MERTK: variants seen among roughly 807,000 people sequenced by gnomAD.
MERTK encodes tyrosine-protein kinase Mer.
MERTK carries 69 observed loss-of-function variants against 99.3 expected under a neutral mutation model. The observed-to-expected ratio is 0.70, with a 90% CI of 0.57 to 0.85. The LOEUF (loss-of-function observed/expected upper bound fraction) is 0.85. MERTK is among the 40% of genes least tolerant of loss of function. MERTK has a pLI of 0.00. For missense variants in MERTK, 1,125 were observed against 1,249.4 expected (o/e 0.90, Z 1.50); for synonymous variants, 426 against 467.6 (o/e 0.91, Z 1.15).
At chr2:111,912,446 A>G (rs1354943491) in intron 1 of MERTK, among the ~76,000 whole-genome samples, 1 of 152,136 alleles carries the variant, frequency 6.6e-6, no homozygotes, top group Non-Finnish European at 1.5e-5. Flanking sequence ...GAGTCTGATG[A>G]GTTTTAATAA....
intron 4 of MERTK, among the ~76,000 whole-genome samples, chr2:111,955,789 A>T (rs1464622394): frequency 6.6e-6 from 1 of 152,190 alleles, no homozygotes; most frequent in African/African-American, 2.4e-5. Flanking sequence ...GAATTTTATC[A>T]TGGGCAAAAC....
chr2:112,022,727 T>G (rs1677381279), intron 18 of MERTK, among the ~76,000 whole-genome samples: 1 of 152,240 alleles, frequency 6.6e-6, no homozygotes, highest in Admixed American at 6.5e-5. Flanking sequence ...AGCTTCGCCT[T>G]GTAGTGCATG....
At position 111,945,041 on chromosome 2, in the gene MERTK, C is replaced by T. The variant is rs771607715; in HGVS notation, c.564C>T (p.Pro188=). 3 of 1,613,278 alleles carry T rather than the reference C, an allele frequency of 1.9e-6. No homozygotes were observed. The highest frequency in any genetic ancestry group is 1.7e-6 in the Non-Finnish European group (2 of 1,179,436). The part of the protein sequence containing the change: ...KINNEEIVSD[P]IYIEVQGLPH... ...ACAATGAAGAGATCGTGTCTGATCC[C>T]ATCTACATCGAAGTACAAGGTAAGT... is the stretch of plus-strand genomic sequence containing the variant. Residue 188 remains proline, a synonymous_variant, in exon 3 of 19, where the codon CCC becomes CCT. Transcript: ENST00000295408.
intron 1 of MERTK, among the ~76,000 whole-genome samples, chr2:111,925,292 A>T (rs7577708): frequency 0.11 from 2,668 of 24,752 alleles, 402 homozygotes; most frequent in East Asian, 0.35. Flanking sequence ...ATATATATAT[A>T]TTTTTTTTTT....
chr2:111,936,412 T>A (rs1051610920), intron 2 of MERTK, among the ~76,000 whole-genome samples: 3 of 108,396 alleles, frequency 2.8e-5, no homozygotes, highest in African/African-American at 1.0e-4. Context: ...AAATTAAAAA[T>A]TTTTTAATTT....
chr2:111,902,105 G>A (rs1035993570), intron 1 of MERTK, among the ~76,000 whole-genome samples: 6 of 152,026 alleles, frequency 3.9e-5, no homozygotes, highest in African/African-American at 1.2e-4. Context: ...GGTTGGTCTC[G>A]AACTCCCAAC....
intron 1 of MERTK, among the ~76,000 whole-genome samples, chr2:111,909,564 C>T (rs1242516746): frequency 6.6e-6 from 1 of 152,174 alleles, no homozygotes; most frequent in Non-Finnish European, 1.5e-5. Flanking sequence ...AGATTAAGTA[C>T]ATTTACTGAG....
rs139488884 is a variant in MERTK, at chr2:112,017,793, G to A, written c.2080-1620G>A. 9.9e-5 allele frequency among the ~76,000 whole-genome samples: 15 copies of A among 152,254 alleles called. 1 individual carries two copies. The East Asian group carries it at 2.7e-3, about 27-fold the overall frequency. On this transcript the variant is annotated intron_variant, in intron 15 of 18. Coordinates refer to ENST00000295408, the MANE Select transcript of MERTK (RefSeq NM_006343.3). Reference sequence around the variant, plus strand: ...TAAGAAAAGCAGATTGTCTCACATGGCAACAGCAAAGCAATGGAAGGATAG... The same window carrying A: ...TAAGAAAAGCAGATTGTCTCACATGACAACAGCAAAGCAATGGAAGGATAG...
chr2:111,993,729 G>A lies in MERTK; in HGVS notation c.1297-522G>A, dbSNP rs562634664. Among the ~76,000 whole-genome samples the A allele has an allele frequency of 9.2e-5, 14 of 152,084 alleles. No individual in the cohort carries two copies. In the South Asian group the frequency reaches 1.5e-3, roughly 16 times the overall value. On this transcript the variant is annotated intron_variant, in intron 8 of 18. Coordinates refer to ENST00000295408, the MANE Select transcript of MERTK (RefSeq NM_006343.3). ...AAGTAAAACCAGAGTTTTGAAAATT[G>A]AGCAAGTTGTACATTTGTCACACTG...
At chr2:111,937,303 T>A (rs955715236) in intron 2 of MERTK, among the ~76,000 whole-genome samples, 2 of 142,946 alleles carry the variant, frequency 1.4e-5, no homozygotes, top group Non-Finnish European at 1.5e-5. Flanking sequence ...AAAAAAAAAA[T>A]TAGGCAGACA....
At chr2:111,988,470 T>C (rs1170044943) in intron 8 of MERTK, among the ~76,000 whole-genome samples, 1 of 152,186 alleles carries the variant, frequency 6.6e-6, no homozygotes, top group East Asian at 1.9e-4. Context: ...TCTAATGCAC[T>C]AAGACTTGAA....
intron 15 of MERTK, 51 bp from the exon 16 acceptor site, chr2:112,019,362 A>G (rs896941557): frequency 5.7e-6 from 8 of 1,411,684 alleles, no homozygotes; most frequent in African/African-American, 1.4e-5. Flanking sequence ...ACTGCTTGCA[A>G]GTTTTCCTTT....
intron 15 of MERTK, among the ~76,000 whole-genome samples, chr2:112,011,872 C>T (rs1052215891): frequency 4.6e-5 from 7 of 152,212 alleles, no homozygotes; most frequent in Admixed American, 3.3e-4. Flanking sequence ...GTGGTTCCTG[C>T]CCCATGGAGC....
chr2:111,941,951 G>A (rs1684873149), intron 2 of MERTK, among the ~76,000 whole-genome samples: 1 of 152,204 alleles, frequency 6.6e-6, no homozygotes, highest in Admixed American at 6.5e-5. Flanking sequence ...CTACAGTCCA[G>A]GGTGAGCTGC....
At chr2:111,989,387 C>T (rs1428737541) in intron 8 of MERTK, among the ~76,000 whole-genome samples, 2 of 147,086 alleles carry the variant, frequency 1.4e-5, no homozygotes, top group South Asian at 2.1e-4. Flanking sequence ...GACAGAGTCT[C>T]GCTCTGTCAC....
At chr2:111,942,334 C>T (rs1008902123) in intron 2 of MERTK, among the ~76,000 whole-genome samples, 2 of 147,520 alleles carry the variant, frequency 1.4e-5, no homozygotes, top group Non-Finnish European at 3.1e-5. Context: ...CTTTGAACTC[C>T]AAAGATTAGA....
At chr2:111,951,499 T>C (rs1455886229) in intron 4 of MERTK, among the ~76,000 whole-genome samples, 1 of 117,234 alleles carries the variant, frequency 8.5e-6, no homozygotes, top group African/African-American at 2.9e-5. Flanking sequence ...ATTTTCTTTT[T>C]TGTACACGCT....
intron 1 of MERTK, among the ~76,000 whole-genome samples, chr2:111,907,414 C>CA (rs869272299): frequency 4.6e-5 from 7 of 151,992 alleles, no homozygotes; most frequent in Non-Finnish European, 7.4e-5. Context: ...AACTCCGTAT[C>CA]AAAAAAAAGA....
At chr2:111,999,124 T>G (rs1220030906) in intron 10 of MERTK, among the ~76,000 whole-genome samples, 1 of 152,192 alleles carries the variant, frequency 6.6e-6, no homozygotes, top group Non-Finnish European at 1.5e-5. Context: ...CTTTGCTTTG[T>G]GTACATCAGT....
Sources: allele counts gnomAD v4.1 joint callset (sites outside exome capture counted in the v4.1 genomes callset), GRCh38; gene constraint gnomAD v4.1.1; transcripts MANE v1.5; gene names NCBI Gene and HGNC (gene_info 2026-07-23, HGNC 2026-07-21).